The following LRP1B variants were observed in gnomAD, a reference collection of about 807,000 sequenced individuals.
The protein encoded by LRP1B is LDL receptor related protein 1B, also known as low-density lipoprotein receptor-related protein 1B.
In LRP1B, 217 loss-of-function variants were observed where a neutral mutation model predicts 556.6. The ratio of observed to expected loss-of-function variants is 0.39; its 90% CI spans 0.35 to 0.44. The LOEUF (loss-of-function observed/expected upper bound fraction) is 0.44, where lower values mean the gene tolerates loss of function less well. LRP1B is among the 20% of genes least tolerant of loss of function. LRP1B has a pLI of 1.00. For missense variants in LRP1B, 5,053 were observed against 5,620.8 expected, an observed-to-expected ratio of 0.90 and a Z score of 3.23; for synonymous variants, 2,047 against 1,865.8, an observed-to-expected ratio of 1.10 and a Z score of -2.50.
At chr2:140,249,469 C>G (rs905751515) in intron 86 of LRP1B, among the ~76,000 whole-genome samples, 2 of 151,568 alleles carry the variant, frequency 1.3e-5, no homozygotes, top group Non-Finnish European at 3.0e-5. Flanking sequence ...ATAATCCTCT[C>G]CTCTTTTAAA....
chr2:142,105,283 A>T (rs1193390519), intron 1 of LRP1B, among the ~76,000 whole-genome samples: 1 of 152,192 alleles, frequency 6.6e-6, no homozygotes, highest in Non-Finnish European at 1.5e-5. Flanking sequence ...GTTTCTAAAA[A>T]GGTCATTCTA....
chr2:141,360,345 T>C (rs1688778669), intron 3 of LRP1B, among the ~76,000 whole-genome samples: 1 of 152,246 alleles, frequency 6.6e-6, no homozygotes, highest in African/African-American at 2.4e-5. Context: ...GACCTTCGTT[T>C]ATTCAGTATT....
intron 2 of LRP1B, among the ~76,000 whole-genome samples, chr2:141,585,422 C>CGTGTGTGTGTGT (rs3041302): frequency 2.9e-4 from 37 of 129,262 alleles, no homozygotes; most frequent in Middle Eastern, 3.9e-3. Flanking sequence ...CTGAAATAAT[C>CGTGTGTGTGTGT]GTGTGTGTGT....
intron 7 of LRP1B, among the ~76,000 whole-genome samples, chr2:141,184,227 A>G (rs1215192592): frequency 6.6e-6 from 1 of 152,096 alleles, no homozygotes; most frequent in African/African-American, 2.4e-5. Flanking sequence ...TATATCTTGC[A>G]TAACAGCAAT....
At chr2:140,462,061 T>A (rs545682843) in intron 60 of LRP1B, among the ~76,000 whole-genome samples, 24 of 152,278 alleles carry the variant, frequency 1.6e-4, no homozygotes, top group African/African-American at 5.8e-4. Flanking sequence ...CAACTTATGC[T>A]TCACCCTATG....
intron 2 of LRP1B, among the ~76,000 whole-genome samples, chr2:141,637,077 C>A (rs1689130904): frequency 7.2e-5 from 11 of 151,970 alleles, no homozygotes; most frequent in Admixed American, 7.2e-4. Flanking sequence ...GTAAACACGT[C>A]TTTTTTTAAG....
At chr2:141,275,458 C>T (rs960827721) in intron 3 of LRP1B, among the ~76,000 whole-genome samples, 28 of 152,116 alleles carry the variant, frequency 1.8e-4, no homozygotes, top group African/African-American at 6.8e-4. Flanking sequence ...CCTGCAATCC[C>T]AGCACTTTGG....
Position 140,923,142 on chromosome 2 carries a change from G to A in LRP1B, c.3142C>T (p.His1048Tyr), listed in dbSNP as rs751861711. 1.7e-5 allele frequency: 27 copies of A among 1,610,972 alleles called. No homozygotes were observed. Among genetic ancestry groups the A allele is most frequent in the Non-Finnish European group, 2.0e-5 (24 of 1,178,280 alleles). ...TTTCCGTTACAACCAGCAGGAGAAT[G>A]AATCTCTTAATTTGAAATGAGGAAG... ...AQINCTKEEI[H>Y]SPAGCNGNEF... The change falls in exon 21 of 91, where the codon CAT (histidine) becomes TAT (tyrosine). Residue 1048 changes from histidine (H) to tyrosine (Y), a missense_variant. Physicochemically the swap from His to Tyr is moderately conservative, Grantham distance 83. Transcript: ENST00000389484.
intron 32 of LRP1B, among the ~76,000 whole-genome samples, chr2:140,800,348 G>A (rs140293782): frequency 3.3e-5 from 5 of 152,070 alleles, no homozygotes; most frequent in East Asian, 1.9e-4. Flanking sequence ...GTATATATAC[G>A]TAACAAGCCT....
intron 1 of LRP1B, among the ~76,000 whole-genome samples, chr2:141,905,378 G>C (rs1699726374): frequency 6.6e-6 from 1 of 151,744 alleles, no homozygotes; most frequent in African/African-American, 2.4e-5. Context: ...ACAATCATGG[G>C]AATACTTGGC....
intron 43 of LRP1B, among the ~76,000 whole-genome samples, chr2:140,577,769 T>C (rs1274746477): frequency 2.6e-5 from 4 of 152,174 alleles, no homozygotes; most frequent in African/African-American, 9.6e-5. Context: ...GCTTGATTTA[T>C]TGAATTCCTT....
chr2:140,291,319 T>TATATATATATATATATATATATA (rs1553440647), intron 84 of LRP1B, among the ~76,000 whole-genome samples: 2 of 57,412 alleles, frequency 3.5e-5, no homozygotes, highest in African/African-American at 7.2e-5. Context: ...TATATATATA[T>TATATATATATATATATATATATA]TTTTATTATA....
At chr2:140,437,109 AGACTT>A (rs1428484350) in intron 66 of LRP1B, among the ~76,000 whole-genome samples, 1 of 152,140 alleles carries the variant, frequency 6.6e-6, no homozygotes, top group Non-Finnish European at 1.5e-5. Flanking sequence ...TCAAGAATAA[AGACTT>A]GAAGAGAGCG....
chr2:141,036,464 TG>T (rs1698534988), intron 11 of LRP1B, among the ~76,000 whole-genome samples: 1 of 151,986 alleles, frequency 6.6e-6, no homozygotes, highest in East Asian at 1.9e-4. Flanking sequence ...CCTAAACCAC[TG>T]GGGAAGAGAA....
At chr2:141,504,478 TA>T (rs966338285) in intron 2 of LRP1B, among the ~76,000 whole-genome samples, 24 of 152,236 alleles carry the variant, frequency 1.6e-4, no homozygotes, top group Admixed American at 5.2e-4. Flanking sequence ...TGTTCAGAAA[TA>T]ACTCATACTA....
intron 35 of LRP1B, among the ~76,000 whole-genome samples, chr2:140,736,060 A>C (rs1687935166): frequency 6.6e-6 from 1 of 152,136 alleles, no homozygotes; most frequent in Non-Finnish European, 1.5e-5. Flanking sequence ...GTGGCTCTTA[A>C]ACACATGGAG....
At chr2:141,446,543 G>T (rs1305125257) in intron 3 of LRP1B, among the ~76,000 whole-genome samples, 1 of 152,108 alleles carries the variant, frequency 6.6e-6, no homozygotes, top group Admixed American at 6.5e-5. Context: ...TGCCATGTCT[G>T]GTACCTGTTT....
At chr2:141,173,900 T>G (rs541541471) in intron 7 of LRP1B, among the ~76,000 whole-genome samples, 33 of 152,186 alleles carry the variant, frequency 2.2e-4, no homozygotes, top group African/African-American at 7.7e-4. Flanking sequence ...CATGTTAGTG[T>G]CCAAAGTATT....
chr2:141,753,105 G>A (rs958866227), intron 2 of LRP1B, among the ~76,000 whole-genome samples: 16 of 148,002 alleles, frequency 1.1e-4, no homozygotes, highest in African/African-American at 4.0e-4. Context: ...AAAATTAGCT[G>A]GGCATGGTGG....
Sources: gnomAD v4.1 joint callset for allele counts (sites outside exome capture counted in the v4.1 genomes callset) on GRCh38, gnomAD v4.1.1 for gene constraint, MANE v1.5 for transcripts, NCBI Gene and HGNC (gene_info 2026-07-23, HGNC 2026-07-21) for gene names.